The following MAMLD1 variants were observed in gnomAD, a reference collection of about 807,000 sequenced individuals.
MAMLD1 encodes the protein mastermind-like domain-containing protein 1.
MAMLD1 carries 14 observed loss-of-function variants against 45.0 expected under a neutral mutation model. The observed-to-expected ratio is 0.31, with a 90% CI of 0.21 to 0.49. MAMLD1 has a LOEUF of 0.49. Ranked by LOEUF, MAMLD1 falls within the 20% of genes least tolerant of loss-of-function variation. MAMLD1 has a pLI of 0.99. For missense variants in MAMLD1, 543 were observed against 603.6 expected (o/e 0.90, Z 1.05); for synonymous variants, 254 against 247.8 (o/e 1.02, Z -0.24).
chrX:150,396,685 C>T (rs1047485705), intron 1 of MAMLD1, among the ~76,000 whole-genome samples: 2 of 111,925 alleles, frequency 1.8e-5, no homozygotes, highest in Non-Finnish European at 3.8e-5. Context: ...TATATCCAGT[C>T]GATGGTGTTG....
chrX:150,377,781 A>G (rs1454758384), intron 1 of MAMLD1, among the ~76,000 whole-genome samples: 1 of 106,767 alleles, frequency 9.4e-6, no homozygotes, highest in Non-Finnish European at 1.9e-5. Context: ...CCCAAATGTT[A>G]ACATTTTACC....
chrX:150,434,901 G>C (rs2035072072), intron 1 of MAMLD1, among the ~76,000 whole-genome samples: 1 of 111,431 alleles, frequency 9.0e-6, no homozygotes, highest in Non-Finnish European at 1.9e-5. Context: ...TTGGGGTGGA[G>C]AGTTCTGTGG....
chrX:150,432,422 T>C (rs139385779), intron 1 of MAMLD1, among the ~76,000 whole-genome samples: 1,614 of 112,025 alleles, frequency 0.014, 14 homozygotes, highest in Non-Finnish European at 0.023. Flanking sequence ...TTAGTTTAAA[T>C]AGGTCTTATT....
At chrX:150,387,799 T>C (rs782549600) in intron 1 of MAMLD1, among the ~76,000 whole-genome samples, 1 of 112,102 alleles carries the variant, frequency 8.9e-6, no homozygotes, top group Non-Finnish European at 1.9e-5. Context: ...ATCCTGTGAT[T>C]TTTCTTTTTT....
At chrX:150,423,386 T>TGTGTGTG (rs2034590514) in intron 1 of MAMLD1, among the ~76,000 whole-genome samples, 17,040 of 96,747 alleles carry the variant, frequency 0.18, 1,298 homozygotes, top group Non-Finnish European at 0.21. Context: ...GTGTGTGTGT[T>TGTGTGTG]TGCACCTTTG....
chrX:150,369,545 C>G (rs782140794), intron 1 of MAMLD1, among the ~76,000 whole-genome samples: 53 of 112,752 alleles, frequency 4.7e-4, no homozygotes, highest in African/African-American at 1.7e-3. Flanking sequence ...GTGTGAACTT[C>G]TAACCCAGAA....
chrX:150,368,316 A>G lies in MAMLD1; in HGVS notation c.-64+4786A>G, dbSNP rs1218201117. Among the ~76,000 whole-genome samples, 4 of 111,054 alleles carry G rather than the reference A, an allele frequency of 3.6e-5. No homozygotes were observed. In the East Asian group the frequency reaches 8.4e-4, roughly 23 times the overall value. ...TGCATTTCTCTGATGGCCAGTGATG[A>G]TGAGCATTTTTTCATGTGTCTGCTG... On this transcript the variant is annotated intron_variant, in intron 1 of 7. Transcript: ENST00000370401.
rs1201938176 is a variant in MAMLD1, at chrX:150,417,013, C to CT, written c.-63-28432dup. On this transcript the variant is annotated intron_variant, in intron 1 of 7. Transcript: ENST00000370401. ...CATAGTCTTTTTTCTTTCTTTCTTT[C>CT]TTTTTTTTTATTATACTTTAAGTTT... Among the ~76,000 whole-genome samples the CT allele has an allele frequency of 1.4e-3, 156 of 108,338 alleles. 1 individual carries two copies. In the South Asian group the frequency reaches 0.016, roughly 11 times the overall value. 94.1% of individuals were successfully genotyped at this position (108,338 alleles called of 115,157 possible).
chrX:150,465,733 C>T (rs2036196154), intron 3 of MAMLD1, among the ~76,000 whole-genome samples: 1 of 112,312 alleles, frequency 8.9e-6, no homozygotes. Context: ...TGAGGAAATC[C>T]TGCCAGTGGC....
At chrX:150,413,462 A>T (rs1247929639) in intron 1 of MAMLD1, among the ~76,000 whole-genome samples, 1 of 111,152 alleles carries the variant, frequency 9.0e-6, no homozygotes, top group Non-Finnish European at 1.9e-5. Flanking sequence ...AGAACAAAAG[A>T]CTGAATCAGG....
At chrX:150,365,403 G>C (rs1174596906) in intron 1 of MAMLD1, among the ~76,000 whole-genome samples, 1 of 112,882 alleles carries the variant, frequency 8.9e-6, no homozygotes, top group Non-Finnish European at 1.9e-5. Context: ...CGGCCGGGAC[G>C]GCCGAGTGGA....
intron 4 of MAMLD1, 104 bp from the exon 5 acceptor site, chrX:150,473,576 G>C: frequency 2.5e-6 from 2 of 791,550 alleles, no homozygotes; most frequent in Non-Finnish European, 3.9e-6. Context: ...GGGTGGCCGG[G>C]GGAGCGGTGT....
chrX:150,384,992 C>T (rs1324388388), intron 1 of MAMLD1, among the ~76,000 whole-genome samples: 1 of 110,791 alleles, frequency 9.0e-6, no homozygotes, highest in Non-Finnish European at 1.9e-5. Context: ...TGCAGTACTA[C>T]TAACTATAGT....
Position 150,513,335 on chromosome X carries a change from G to C in MAMLD1, c.*1376G>C. Reference sequence around the variant, plus strand: ...TTTGTGACTTTGTAAATAAAGCGACGGCTTTTGTTTCAGTAGAGTTGTGTT... The same window carrying C: ...TTTGTGACTTTGTAAATAAAGCGACCGCTTTTGTTTCAGTAGAGTTGTGTT... On this transcript the variant is annotated 3_prime_UTR_variant, in exon 8 of 8. Transcript: ENST00000370401. The C allele has an allele frequency of 2.7e-6, 1 of 368,606 alleles. No homozygotes were observed. The highest frequency in any genetic ancestry group is 4.7e-6 in the Non-Finnish European group (1 of 214,997). 30.4% of individuals were successfully genotyped at this position (368,606 alleles called of 1,213,427 possible). A position where few individuals can be genotyped will look rare whatever the true frequency, so the allele number is the denominator to read the frequency against.
intron 1 of MAMLD1, among the ~76,000 whole-genome samples, chrX:150,406,095 G>A (rs1205216503): frequency 2.7e-5 from 3 of 111,321 alleles, no homozygotes; most frequent in Admixed American, 9.5e-5. Context: ...TGTGTCTTTC[G>A]CATCATGCTA....
intron 2 of MAMLD1, among the ~76,000 whole-genome samples, chrX:150,461,362 G>A (rs782208936): frequency 1.2e-4 from 13 of 112,827 alleles, no homozygotes; most frequent in Non-Finnish European, 2.4e-4. Context: ...GTATCTGGAC[G>A]CCACTGGCTT....
intron 1 of MAMLD1, among the ~76,000 whole-genome samples, chrX:150,388,368 G>C (rs1287333912): frequency 9.0e-6 from 1 of 111,372 alleles, no homozygotes; most frequent in Non-Finnish European, 1.9e-5. Flanking sequence ...TCATAAAATG[G>C]ATTGGGAAGT....
At chrX:150,467,620 G>T (rs184495341) in intron 3 of MAMLD1, among the ~76,000 whole-genome samples, 35 of 112,864 alleles carry the variant, frequency 3.1e-4, no homozygotes, top group Non-Finnish European at 5.4e-4. Flanking sequence ...AGTCAAAGAA[G>T]TGTGCAAGTC....
intron 1 of MAMLD1, among the ~76,000 whole-genome samples, chrX:150,444,375 C>T (rs1174147214): frequency 8.9e-6 from 1 of 111,784 alleles, no homozygotes; most frequent in African/African-American, 3.3e-5. Context: ...TTTGTTGGGG[C>T]TTCTTTGTTA....
Sources: allele counts gnomAD v4.1 joint callset (sites outside exome capture counted in the v4.1 genomes callset), GRCh38; gene constraint gnomAD v4.1.1; transcripts MANE v1.5; gene names NCBI Gene and HGNC (gene_info 2026-07-23, HGNC 2026-07-21).